C1orf87: variants seen among roughly 807,000 people sequenced by gnomAD.
The protein encoded by C1orf87 is uncharacterized protein C1orf87.
In C1orf87, 58 loss-of-function variants were observed where a neutral mutation model predicts 60.5. The observed-to-expected ratio is 0.96, with a 90% CI of 0.78 to 1.19. C1orf87 has a LOEUF of 1.19. Ranked by LOEUF, C1orf87 falls within the 50% of genes most tolerant of loss-of-function variation. The probability of loss-of-function intolerance (pLI) is 0.00; values close to 1 mark genes in which losing one functional copy is unlikely to be tolerated. For synonymous variants in C1orf87, 236 were observed against 227.4 expected, an observed-to-expected ratio of 1.04 and a Z score of -0.34; for missense variants, 673 against 638.6, an observed-to-expected ratio of 1.05 and a Z score of -0.58.
Position 59,990,675 on chromosome 1 carries a change from A to C in C1orf87, c.1639T>G (p.Ter547GlyextTer1), listed in dbSNP as rs781319367. ...EPALRYLKEL[*>G] ...GTTCTCACAATATGGGCTTGTTATC[A>C]TAGCTCCTTTAAGTACCGCAGTGCT... Residue 547 changes from the stop codon to glycine, a stop_lost, in exon 12 of 12, where the codon TGA becomes GGA. Transcript: ENST00000371201. 26 of 1,613,876 alleles carry C rather than the reference A, an allele frequency of 1.6e-5. 1 individual carries two copies. The South Asian group carries it at 2.9e-4, about 18-fold the overall frequency.
chr1:59,993,469 A>T lies in C1orf87; in HGVS notation c.1481-2636T>A, dbSNP rs181827451. ...ATAAACAGTATATATGTAATTGCTT[A>T]TTAAAATAGATAGCATTTAGTTTAT... is the stretch of plus-strand genomic sequence containing the variant. On this transcript the variant is annotated intron_variant, in intron 11 of 11. Transcript: ENST00000371201. Among the ~76,000 whole-genome samples the T allele has an allele frequency of 3.5e-3, 527 of 152,176 alleles. 1 individual carries two copies. The highest frequency in any genetic ancestry group is 0.02 in the Middle Eastern group (6 of 294).
At chr1:60,019,561 G>A (rs1645148007) in intron 8 of C1orf87, among the ~76,000 whole-genome samples, 1 of 152,292 alleles carries the variant, frequency 6.6e-6, no homozygotes, top group African/African-American at 2.4e-5. Context: ...ACATTTTGGA[G>A]GGCTCAGAAG....
At position 60,018,459 on chromosome 1, in the gene C1orf87, G is replaced by A. The variant is rs151131103; in HGVS notation, c.1127+6942C>T. ...GATAGTAAGTAGCCTAACACTATTT[G>A]CTCCGCATTTTCTCTTGGTCTCATA... On this transcript the variant is annotated intron_variant, in intron 8 of 11. Transcript: ENST00000371201. Among the ~76,000 whole-genome samples the A allele has an allele frequency of 2.7e-3, 414 of 152,120 alleles. 1 individual carries two copies. Among genetic ancestry groups the A allele is most frequent in the African/African-American group, 9.8e-3 (405 of 41,406 alleles).
chr1:60,004,291 G>GA (rs1194988069), intron 9 of C1orf87, among the ~76,000 whole-genome samples: 1 of 151,786 alleles, frequency 6.6e-6, no homozygotes, highest in African/African-American at 2.4e-5. Flanking sequence ...GGGGATTAAA[G>GA]AAAAAAACCT....
intron 9 of C1orf87, among the ~76,000 whole-genome samples, chr1:60,003,495 G>T (rs11810557): frequency 0.016 from 2,366 of 151,966 alleles, 49 homozygotes; most frequent in African/African-American, 0.054. Context: ...CAAAAAAAAA[G>T]AAAGTGTAAA....
intron 10 of C1orf87, among the ~76,000 whole-genome samples, chr1:59,998,077 A>G (rs924666061): frequency 4.6e-5 from 7 of 151,556 alleles, no homozygotes; most frequent in African/African-American, 1.7e-4. Flanking sequence ...ACTTGCATGA[A>G]GCAAAGAACT....
chr1:59,990,644 A>G lies in C1orf87; in HGVS notation c.*29T>C. On this transcript the variant is annotated 3_prime_UTR_variant, in exon 12 of 12. Transcript: ENST00000371201. The stretch of plus-strand genomic sequence containing the variant: ...CTGGGTAAAAAGGGAGATAAGGGAA[A>G]CATCTGTTCTCACAATATGGGCTTG... 2 of 1,607,064 alleles carry G rather than the reference A, an allele frequency of 1.2e-6. No homozygotes were observed. The highest frequency in any genetic ancestry group is 1.7e-6 in the Non-Finnish European group (2 of 1,175,044).
chr1:60,020,652 C>T lies in C1orf87; in HGVS notation c.1127+4749G>A, dbSNP rs531633215. ...TGGGAGCATTTACCCAATGCCTGTACTCCCACTGTATCTTGGAAGTAAGTG... is the reference window on the plus strand; with the variant it reads ...TGGGAGCATTTACCCAATGCCTGTATTCCCACTGTATCTTGGAAGTAAGTG... On this transcript the variant is annotated intron_variant, in intron 8 of 11. Coordinates refer to ENST00000371201, the MANE Select transcript of C1orf87 (RefSeq NM_152377.3). Among the ~76,000 whole-genome samples the T allele has an allele frequency of 7.9e-5, 12 of 152,308 alleles. No homozygotes were observed. In the South Asian group the frequency reaches 2.3e-3, roughly 29 times the overall value.
At chr1:59,994,318 G>T (rs1043106180) in intron 11 of C1orf87, among the ~76,000 whole-genome samples, 1 of 151,646 alleles carries the variant, frequency 6.6e-6, no homozygotes, top group African/African-American at 2.4e-5. Flanking sequence ...GTATGTCATG[G>T]GACTGGGTGT....
intron 9 of C1orf87, among the ~76,000 whole-genome samples, chr1:60,003,949 T>C (rs1645025406): frequency 6.6e-6 from 1 of 152,066 alleles, no homozygotes; most frequent in South Asian, 2.1e-4. Context: ...TATGATGGCA[T>C]CCAGTTAGGG....
intron 2 of C1orf87, among the ~76,000 whole-genome samples, chr1:60,066,490 A>T (rs1300167149): frequency 6.6e-5 from 10 of 152,104 alleles, no homozygotes; most frequent in Non-Finnish European, 1.5e-4. Flanking sequence ...TTATCATGAG[A>T]TTGCAGAAAT....
At chr1:60,030,537 A>G (rs1299713285) in intron 7 of C1orf87, among the ~76,000 whole-genome samples, 1 of 152,210 alleles carries the variant, frequency 6.6e-6, no homozygotes, top group Non-Finnish European at 1.5e-5. Context: ...AATTAAAACA[A>G]CCTATGTTCT....
chr1:59,999,747 T>C (rs1016800185), intron 10 of C1orf87, among the ~76,000 whole-genome samples: 2 of 152,120 alleles, frequency 1.3e-5, no homozygotes, highest in Non-Finnish European at 2.9e-5. Context: ...CTAATCTTCT[T>C]TTAGTCCTAT....
chr1:60,009,754 A>G lies in C1orf87; in HGVS notation c.1192+638T>C, dbSNP rs1645070078. On this transcript the variant is annotated intron_variant, in intron 9 of 11. Coordinates refer to ENST00000371201, the MANE Select transcript of C1orf87 (RefSeq NM_152377.3). ...CAACAGCAGATTAATATCAATGCAT[A>G]TTTTTTCACCTGTCATATTTAAAAC... is the stretch of plus-strand genomic sequence containing the variant. 2.0e-5 allele frequency among the ~76,000 whole-genome samples: 3 copies of G among 151,966 alleles called. No homozygotes were observed. In the South Asian group the frequency reaches 6.2e-4, roughly 31 times the overall value.
chr1:60,032,499 G>A (rs1052076423), intron 7 of C1orf87, among the ~76,000 whole-genome samples: 4 of 146,414 alleles, frequency 2.7e-5, no homozygotes, highest in Admixed American at 1.4e-4. Flanking sequence ...GTGCAGTGGC[G>A]TGATCTTGGC....
chr1:60,009,839 C>T (rs1456168737), intron 9 of C1orf87, among the ~76,000 whole-genome samples: 1 of 151,924 alleles, frequency 6.6e-6, no homozygotes, highest in Non-Finnish European at 1.5e-5. Flanking sequence ...AATAATATGT[C>T]TTGGAAATCT....
intron 8 of C1orf87, among the ~76,000 whole-genome samples, chr1:60,016,423 A>G (rs1382478827): frequency 1.3e-5 from 2 of 152,136 alleles, no homozygotes; most frequent in Admixed American, 1.3e-4. Context: ...ATTCACTTGC[A>G]TTGTTTTTCT....
chr1:60,019,544 G>C (rs1375251020), intron 8 of C1orf87, among the ~76,000 whole-genome samples: 1 of 152,184 alleles, frequency 6.6e-6, no homozygotes, highest in African/African-American at 2.4e-5. Context: ...AATGGGTAAA[G>C]GTTGAAACAT....
intron 4 of C1orf87, 119 bp from the exon 5 acceptor site, chr1:60,040,299 G>C: frequency 7.8e-7 from 1 of 1,280,790 alleles, no homozygotes; most frequent in Non-Finnish European, 1.1e-6. Flanking sequence ...GTCCTGGCCT[G>C]GAGCAGGACA....
Sources: allele counts gnomAD v4.1 joint callset (sites outside exome capture counted in the v4.1 genomes callset), GRCh38; gene constraint gnomAD v4.1.1; transcripts MANE v1.5; gene names NCBI Gene and HGNC (gene_info 2026-07-23, HGNC 2026-07-21).